The following INPP5A variants were observed in gnomAD, a reference collection of about 807,000 sequenced individuals.
The protein encoded by INPP5A is inositol polyphosphate-5-phosphatase A, also known as 43 kDa inositol polyphosphate 5-phophatase.
A neutral mutation model predicts 65.2 loss-of-function variants in INPP5A; 14 were observed. The observed-to-expected ratio is 0.21, with a 90% CI of 0.14 to 0.34. INPP5A has a LOEUF of 0.34. Among genes scored for constraint, INPP5A ranks in the 10% least tolerant of loss-of-function variants. INPP5A has a pLI of 1.00. For synonymous variants in INPP5A, 207 were observed against 208.3 expected, an observed-to-expected ratio of 0.99 and a Z score of 0.05; for missense variants, 431 against 545.6, an observed-to-expected ratio of 0.79 and a Z score of 2.09.
At chr10:132,552,904 T>C (rs2071074359) in intron 1 of INPP5A, among the ~76,000 whole-genome samples, 3 of 110,410 alleles carry the variant, frequency 2.7e-5, no homozygotes, top group Admixed American at 8.9e-5. Flanking sequence ...TTGGGTAGGA[T>C]AGGGAGGGAG....
intron 4 of INPP5A, among the ~76,000 whole-genome samples, chr10:132,672,194 T>A (rs1358241049): frequency 6.6e-6 from 1 of 152,266 alleles, no homozygotes; most frequent in Non-Finnish European, 1.5e-5. Flanking sequence ...CTTCATTTTA[T>A]TTCCTTTTCC....
At chr10:132,583,601 A>G (rs995672436) in intron 1 of INPP5A, among the ~76,000 whole-genome samples, 1 of 152,054 alleles carries the variant, frequency 6.6e-6, no homozygotes, top group Non-Finnish European at 1.5e-5. Context: ...CTTGTATTTC[A>G]TACTCTGCTG....
At chr10:132,624,557 G>A (rs1345896483) in intron 2 of INPP5A, among the ~76,000 whole-genome samples, 2 of 152,112 alleles carry the variant, frequency 1.3e-5, no homozygotes, top group African/African-American at 2.4e-5. Context: ...GTCTGCACTT[G>A]GGGAATGTGC....
intron 12 of INPP5A, among the ~76,000 whole-genome samples, chr10:132,776,782 G>A (rs190026358): frequency 3.3e-4 from 50 of 152,282 alleles, no homozygotes; most frequent in Middle Eastern, 3.4e-3. Context: ...CTGCAGGCCC[G>A]GAAGTGGGGG....
chr10:132,779,423 C>T (rs771574194), intron 13 of INPP5A, among the ~76,000 whole-genome samples: 5 of 152,254 alleles, frequency 3.3e-5, no homozygotes, highest in Non-Finnish European at 7.3e-5. Flanking sequence ...GGAGGTCACG[C>T]GAGTGCAGAT....
rs2073005842 is a variant in INPP5A at position 132,678,876 on chromosome 10, C to T, written c.307-11516C>T. ...CAGAGACCTGAAGCAGCAGGGGGTC[C>T]ATGTGAGAAGCTGGAAAAGGGGAGG... On this transcript the variant is annotated intron_variant, in intron 4 of 15. Coordinates refer to ENST00000368594, the MANE Select transcript of INPP5A (RefSeq NM_005539.5). This position sits in a 1 kb window ranked among gnomAD's most constrained non-coding sequence, Gnocchi z 4.1. 6.6e-6 allele frequency among the ~76,000 whole-genome samples: 1 copy of T among 152,118 alleles called. No homozygotes were observed. The highest frequency in any genetic ancestry group is 2.1e-4 in the South Asian group (1 of 4,816).
intron 12 of INPP5A, among the ~76,000 whole-genome samples, chr10:132,776,559 GAAAAAACTC>G (rs1847066582): frequency 2.0e-5 from 3 of 152,216 alleles, no homozygotes; most frequent in Non-Finnish European, 4.4e-5. Context: ...GGAATTAACT[GAAAAAACTC>G]TTGAGACTCT....
intron 9 of INPP5A, among the ~76,000 whole-genome samples, chr10:132,748,737 T>C (rs7906160): frequency 6.6e-6 from 1 of 152,180 alleles, no homozygotes; most frequent in East Asian, 1.9e-4. Flanking sequence ...CGGCACTCAC[T>C]CAGCCTCCCT....
chr10:132,701,510 G>A (rs1044187518), intron 6 of INPP5A, among the ~76,000 whole-genome samples: 1 of 152,242 alleles, frequency 6.6e-6, no homozygotes, highest in African/African-American at 2.4e-5. Context: ...GGAGCAACAA[G>A]TATGTACATC....
rs986115614 is a variant in INPP5A, at chr10:132,537,853, G to C, written c.-244G>C. ...CCCAGCGGATCTAATGGCTGCGCGCGGGCCGCTGTGAGGCGCGGCGGCGAG... is the reference window on the plus strand; with the variant it reads ...CCCAGCGGATCTAATGGCTGCGCGCCGGCCGCTGTGAGGCGCGGCGGCGAG... On this transcript the variant is annotated 5_prime_UTR_variant, in exon 1 of 16. Coordinates refer to ENST00000368594, the MANE Select transcript of INPP5A (RefSeq NM_005539.5). The C allele has an allele frequency of 1.3e-4, 48 of 360,668 alleles. No homozygotes were observed. The highest frequency in any genetic ancestry group is 5.2e-4 in the East Asian group (13 of 24,972). 22.3% of individuals were successfully genotyped at this position (360,668 alleles called of 1,614,324 possible). A position where few individuals can be genotyped will look rare whatever the true frequency, so the allele number is the denominator to read the frequency against.
At position 132,697,917 on chromosome 10, in the gene INPP5A, G is replaced by A. The variant is rs1228547391; in HGVS notation, c.472G>A (p.Glu158Lys). The change falls in exon 6 of 16, where the codon GAG (glutamate) becomes AAG (lysine). Residue 158 changes from glutamate (E) to lysine (K), a missense_variant and splice_region_variant. Physicochemically the swap from Glu to Lys is moderately conservative, Grantham distance 56. Coordinates refer to ENST00000368594, the MANE Select transcript of INPP5A (RefSeq NM_005539.5). This position sits in a 1 kb window ranked among gnomAD's most constrained non-coding sequence, Gnocchi z 5.6. ...KEKFPQDYFP[E>K]CKWSRKGFIR... ...GAAGTTTCCGCAGGACTACTTCCCCGAGGTACGTAGCGAGGCTTTCTCACT... is the reference window on the plus strand; with the variant it reads ...GAAGTTTCCGCAGGACTACTTCCCCAAGGTACGTAGCGAGGCTTTCTCACT... 22 of 1,600,070 alleles carry A rather than the reference G, an allele frequency of 1.4e-5. No homozygotes were observed. Among genetic ancestry groups the A allele is most frequent in the East Asian group, 2.2e-5 (1 of 44,822 alleles).
rs2072552255 is a variant in INPP5A at position 132,650,038 on chromosome 10, A to G, written c.219-380A>G. ...CCCCAACCTGTGTGTGCTGGTGGCT[A>G]CTGGGGGTCCAATTTCTCTCTTAAG... On this transcript the variant is annotated intron_variant, in intron 3 of 15. Coordinates refer to ENST00000368594, the MANE Select transcript of INPP5A (RefSeq NM_005539.5). The surrounding 1 kb of genome is among the most constrained non-coding windows in gnomAD (Gnocchi z 5.5). 6.6e-6 allele frequency among the ~76,000 whole-genome samples: 1 copy of G among 152,124 alleles called. No individual in the cohort carries two copies. The highest frequency in any genetic ancestry group is 2.1e-4 in the South Asian group (1 of 4,820).
intron 12 of INPP5A, among the ~76,000 whole-genome samples, chr10:132,767,172 C>T (rs2803986): frequency 1.8e-5 from 2 of 108,408 alleles, no homozygotes; most frequent in Non-Finnish European, 3.6e-5. Context: ...CCGGAGGATG[C>T]GGCTTCAGGG....
intron 6 of INPP5A, among the ~76,000 whole-genome samples, chr10:132,700,525 C>T (rs917752725): frequency 6.6e-6 from 1 of 152,210 alleles, no homozygotes; most frequent in African/African-American, 2.4e-5. Flanking sequence ...ACATTCTGTC[C>T]CTAGTGTGGG....
intron 4 of INPP5A, among the ~76,000 whole-genome samples, chr10:132,688,749 A>T (rs552471772): frequency 6.6e-6 from 1 of 150,406 alleles, no homozygotes; most frequent in East Asian, 2.0e-4. Flanking sequence ...CAAGTGTGTG[A>T]GCAAGTGCAT....
At chr10:132,665,301 TAGATTCAC>T (rs1245056400) in intron 4 of INPP5A, among the ~76,000 whole-genome samples, 1 of 152,202 alleles carries the variant, frequency 6.6e-6, no homozygotes, top group Non-Finnish European at 1.5e-5. Context: ...AGCCCCCTCT[TAGATTCAC>T]AGAAACGCCC....
chr10:132,540,304 CTT>C (rs1270349381), intron 1 of INPP5A, among the ~76,000 whole-genome samples: 14 of 152,172 alleles, frequency 9.2e-5, no homozygotes, highest in Admixed American at 7.2e-4. Flanking sequence ...AATTGGGTAA[CTT>C]AATTCACTTT....
At chr10:132,724,996 G>A (rs577566951) in intron 8 of INPP5A, among the ~76,000 whole-genome samples, 45 of 145,710 alleles carry the variant, frequency 3.1e-4, no homozygotes, top group African/African-American at 1.1e-3. Flanking sequence ...CACAGACGGG[G>A]GTCACTCTCC....
At chr10:132,635,386 ATTTTTTTTTTTTTT>A (rs775271931) in intron 2 of INPP5A, among the ~76,000 whole-genome samples, 1 of 54,500 alleles carries the variant, frequency 1.8e-5, no homozygotes, top group Non-Finnish European at 3.0e-5. Context: ...CTTTTTAAAG[ATTTTTTTTTTTTTT>A]TTTTTTTTTT....
Sources: gnomAD v4.1 joint callset for allele counts (sites outside exome capture counted in the v4.1 genomes callset) on GRCh38, gnomAD v4.1.1 for gene constraint, Gnocchi (gnomAD v3.1) non-coding constraint, MANE v1.5 for transcripts, NCBI Gene and HGNC (gene_info 2026-07-23, HGNC 2026-07-21) for gene names.